The following TBC1D2B variants were observed in gnomAD, a reference collection of about 807,000 sequenced individuals.
The protein encoded by TBC1D2B is TBC1 domain family, member 2B.
In TBC1D2B, 64 loss-of-function variants were observed where a neutral mutation model predicts 100.8. That is an observed-to-expected ratio of 0.64 (90% CI 0.52 to 0.78). The LOEUF is 0.78. Among genes scored for constraint, TBC1D2B ranks in the 30% least tolerant of loss-of-function variants. The pLI is 0.00. For synonymous variants in TBC1D2B, 480 were observed against 479.7 expected (o/e 1.00, Z -0.01); for missense variants, 1,052 against 1,218.4 (o/e 0.86, Z 2.03).
At chr15:78,029,901 G>T in intron 4 of TBC1D2B, 106 bp downstream of exon 4, 1 of 848,744 alleles carries the variant, frequency 1.2e-6, no homozygotes, top group Non-Finnish European at 1.7e-6. Flanking sequence ...AGCCCCCATT[G>T]GTCCTTATGC....
At chr15:78,070,155 C>T (rs964006938) in intron 1 of TBC1D2B, among the ~76,000 whole-genome samples, 1 of 152,248 alleles carries the variant, frequency 6.6e-6, no homozygotes, top group Non-Finnish European at 1.5e-5. Flanking sequence ...TGCCACCAGG[C>T]ACTCCTTGAG....
At chr15:78,035,719 G>A (rs947666088) in intron 3 of TBC1D2B, among the ~76,000 whole-genome samples, 1 of 152,122 alleles carries the variant, frequency 6.6e-6, no homozygotes, top group East Asian at 1.9e-4. Context: ...GCACAGAGAC[G>A]TATGTACAAG....
At chr15:78,003,540 G>A (rs779901103) in intron 10 of TBC1D2B, 50 bp from the exon 11 acceptor site, 2 of 1,493,892 alleles carry the variant, frequency 1.3e-6, no homozygotes, top group East Asian at 2.3e-5. Context: ...CAGGTCACCG[G>A]GTAAGCAGAC....
At chr15:78,074,663 C>T (rs1455863918) in intron 1 of TBC1D2B, among the ~76,000 whole-genome samples, 2 of 152,182 alleles carry the variant, frequency 1.3e-5, no homozygotes, top group Non-Finnish European at 2.9e-5. Flanking sequence ...AACCAGAGCT[C>T]ATCAGCCCCA....
At chr15:78,040,490 A>G (rs1366634848) in intron 3 of TBC1D2B, among the ~76,000 whole-genome samples, 4 of 151,902 alleles carry the variant, frequency 2.6e-5, no homozygotes, top group African/African-American at 9.7e-5. Flanking sequence ...TCAAGGGTTC[A>G]GTAAGCCAAG....
intron 9 of TBC1D2B, among the ~76,000 whole-genome samples, chr15:78,011,167 G>C (rs948553460): frequency 6.6e-6 from 1 of 152,108 alleles, no homozygotes; most frequent in Non-Finnish European, 1.5e-5. Context: ...CACCTTCTGA[G>C]GGCACATAGA....
At chr15:78,004,317 T>G (rs944986778) in intron 10 of TBC1D2B, among the ~76,000 whole-genome samples, 1 of 152,168 alleles carries the variant, frequency 6.6e-6, no homozygotes, top group Non-Finnish European at 1.5e-5. Context: ...CTGGTAACGA[T>G]GTGTTCATAC....
chr15:78,036,478 C>T (rs181839140), intron 3 of TBC1D2B, among the ~76,000 whole-genome samples: 4 of 152,206 alleles, frequency 2.6e-5, no homozygotes, highest in Admixed American at 2.0e-4. Context: ...GGATTAACAC[C>T]GTTATCTGGG....
chr15:78,069,307 C>T lies in TBC1D2B; in HGVS notation c.360+7986G>A, dbSNP rs143559274. ...CTTCAGGAAAGGAAGTCCACCAGGG[C>T]GGGCCGGCCCTAGCCACACACACAC... On this transcript the variant is annotated intron_variant, in intron 1 of 12. Transcript: ENST00000300584. 7.2e-5 allele frequency among the ~76,000 whole-genome samples: 11 copies of T among 152,266 alleles called. No homozygotes were observed. The East Asian group carries it at 2.1e-3, about 29-fold the overall frequency.
intron 6 of TBC1D2B, among the ~76,000 whole-genome samples, chr15:78,023,889 T>C (rs767291666): frequency 2.6e-5 from 4 of 152,162 alleles, no homozygotes; most frequent in African/African-American, 7.2e-5. Flanking sequence ...GGGTGGTATA[T>C]ATAGAAAGAG....
rs1189603504 is a variant in TBC1D2B, at chr15:78,024,335, T to C, written c.1291A>G (p.Ser431Gly). ...TGCTCGTTGAGCTCGCCCACTTTGCTCTTCAGCGTCCTTACTTCCTGCTGA... is the reference window on the plus strand; with the variant it reads ...TGCTCGTTGAGCTCGCCCACTTTGCCCTTCAGCGTCCTTACTTCCTGCTGA... ...SLQQEVRTLKSKVGELNEQLG... is the reference protein window; with the variant it reads ...SLQQEVRTLKGKVGELNEQLG... The change falls in exon 6 of 13, where the codon AGC becomes GGC. Residue 431 changes from serine to glycine, a missense_variant. By Grantham distance (56) the Ser-to-Gly change is moderately conservative. Coordinates refer to ENST00000300584, the MANE Select transcript of TBC1D2B (RefSeq NM_144572.2). 1 of 1,614,062 alleles carries C rather than the reference T, an allele frequency of 6.2e-7. No individual in the cohort carries two copies. The highest frequency in any genetic ancestry group is 8.5e-7 in the Non-Finnish European group (1 of 1,179,894).
At chr15:78,040,896 A>AAGAAAGAG (rs2073079288) in intron 3 of TBC1D2B, among the ~76,000 whole-genome samples, 5 of 145,212 alleles carry the variant, frequency 3.4e-5, no homozygotes, top group East Asian at 4.2e-4. Context: ...GAGAGAGAGA[A>AAGAAAGAG]AGAAAGAAAG....
Position 78,013,035 on chromosome 15 carries a change from G to A in TBC1D2B, c.2058C>T (p.Asn686=), listed in dbSNP as rs2072274008. The change falls in exon 9 of 13, where the codon AAC becomes AAT. Residue 686 remains asparagine, a synonymous_variant. Coordinates refer to ENST00000300584, the MANE Select transcript of TBC1D2B (RefSeq NM_144572.2). ...VDRHTRKFKD[N]TEPGHFQTLL... ...AGGTCTGGAAGTGGCCAGGCTCAGT[G>A]TTGTCCTTGAACTTCCTGGTGTGAC... 1 of 1,613,692 alleles carries A rather than the reference G, an allele frequency of 6.2e-7. No individual in the cohort carries two copies. The highest frequency in any genetic ancestry group is 1.3e-5 in the African/African-American group (1 of 74,938).
chr15:78,045,483 C>T (rs938954343), intron 2 of TBC1D2B, among the ~76,000 whole-genome samples: 11 of 152,196 alleles, frequency 7.2e-5, no homozygotes, highest in African/African-American at 2.4e-4. Flanking sequence ...ATACAAGGGT[C>T]CCTTTTCTCT....
chr15:78,040,978 C>T (rs889768333), intron 3 of TBC1D2B, among the ~76,000 whole-genome samples: 3 of 152,168 alleles, frequency 2.0e-5, no homozygotes, highest in Non-Finnish European at 2.9e-5. Flanking sequence ...TCTCTGTTAT[C>T]TTTCTTGGGC....
intron 2 of TBC1D2B, among the ~76,000 whole-genome samples, chr15:78,045,685 T>C (rs907916080): frequency 1.3e-5 from 2 of 152,220 alleles, no homozygotes; most frequent in South Asian, 4.1e-4. Context: ...GGAAATGATA[T>C]GATGGTCAGG....
chr15:78,010,323 G>C (rs932210477), intron 9 of TBC1D2B, among the ~76,000 whole-genome samples: 3 of 152,162 alleles, frequency 2.0e-5, no homozygotes, highest in Non-Finnish European at 4.4e-5. Context: ...CTCCAAGCGG[G>C]AATCTGGAGC....
chr15:78,030,161 C>T lies in TBC1D2B; in HGVS notation c.693G>A (p.Met231Ile). Residue 231 changes from methionine (M) to isoleucine (I), a missense_variant, in exon 4 of 13, where the codon ATG becomes ATA. Around this residue, in one of 4 missense-constraint regions of TBC1D2B, gnomAD observed 627 missense variants for 646.1 expected, o/e 0.97. Coordinates refer to ENST00000300584, the MANE Select transcript of TBC1D2B (RefSeq NM_144572.2). ...KQWGNELKNS[M>I]SSFRPGRGHN... ...GTCCTCTCCCAGGACGGAAAGAAGA[C>T]ATCGAATTCCTGTTGGGAAAAACAA... 1.9e-6 allele frequency: 3 copies of T among 1,605,724 alleles called. No individual in the cohort carries two copies. Among genetic ancestry groups the T allele is most frequent in the African/African-American group, 1.3e-5 (1 of 74,500 alleles).
rs1315090440 is a variant in TBC1D2B, at chr15:78,077,578, C to A, written c.75G>T (p.Glu25Asp). 1.9e-5 allele frequency: 26 copies of A among 1,374,802 alleles called. 1 individual carries two copies. The African/African-American group carries it at 2.3e-4, about 12-fold the overall frequency. 85.2% of individuals were successfully genotyped at this position (1,374,802 alleles called of 1,614,324 possible). The change falls in exon 1 of 13, where the codon GAG becomes GAT. Residue 25 changes from glutamate (E) to aspartate (D), a missense_variant. Coordinates refer to ENST00000300584, the MANE Select transcript of TBC1D2B (RefSeq NM_144572.2). Reference protein sequence around the residue: ...GEGAAQGAAAEPGAGPAREPA... With the variant: ...GEGAAQGAAADPGAGPAREPA... ...GCTCCCGCGCCGGACCCGCCCCGGG[C>A]TCCGCGGCCGCCCCCTGCGCCGCGC...
Sources: allele counts gnomAD v4.1 joint callset (sites outside exome capture counted in the v4.1 genomes callset), GRCh38; gene constraint gnomAD v4.1.1; regional missense constraint gnomAD v4.1.1; transcripts MANE v1.5; gene names NCBI Gene and HGNC (gene_info 2026-07-23, HGNC 2026-07-21).